The following CLCN3 variants were observed in gnomAD, a reference collection of about 807,000 sequenced individuals.
The protein encoded by CLCN3 is Cl-/H+ antiporter 3, also known as H(+)/Cl(-) exchange transporter 3.
A neutral mutation model predicts 83.4 loss-of-function variants in CLCN3; 16 were observed. The ratio of observed to expected loss-of-function variants is 0.19; its 90% CI spans 0.13 to 0.29. CLCN3 has a LOEUF of 0.29. Ranked by LOEUF, CLCN3 falls within the 10% of genes least tolerant of loss-of-function variation. The pLI is 1.00. For missense variants in CLCN3, 544 were observed against 1,006.0 expected, an observed-to-expected ratio of 0.54 and a Z score of 6.21; for synonymous variants, 322 against 346.2, an observed-to-expected ratio of 0.93 and a Z score of 0.78.
chr4:169,698,401 G>A (rs1732650844), intron 9 of CLCN3, among the ~76,000 whole-genome samples: 1 of 151,946 alleles, frequency 6.6e-6, no homozygotes, highest in Admixed American at 6.6e-5. Context: ...CACTCCCGCT[G>A]TCTCTCTCTC....
intron 2 of CLCN3, among the ~76,000 whole-genome samples, chr4:169,652,112 C>T (rs1238679981): frequency 6.6e-6 from 1 of 152,136 alleles, no homozygotes; most frequent in African/African-American, 2.4e-5. Context: ...TATTACAAAG[C>T]AAGCATCTTT....
intron 3 of CLCN3, among the ~76,000 whole-genome samples, chr4:169,682,366 C>G (rs370100441): frequency 2.0e-5 from 3 of 152,264 alleles, no homozygotes; most frequent in African/African-American, 4.8e-5. Flanking sequence ...AGCTCAAATT[C>G]TATCATTGGA....
chr4:169,648,455 A>G (rs934258920), intron 2 of CLCN3, among the ~76,000 whole-genome samples: 3 of 152,258 alleles, frequency 2.0e-5, no homozygotes, highest in Admixed American at 6.5e-5. Flanking sequence ...GATGAAAAAT[A>G]TAAGGTAGAA....
intron 2 of CLCN3, among the ~76,000 whole-genome samples, chr4:169,678,619 T>A (rs371595204): frequency 2.0e-5 from 3 of 152,274 alleles, no homozygotes; most frequent in African/African-American, 4.8e-5. Flanking sequence ...TGGTGATGAC[T>A]CTTAATGAGC....
At chr4:169,647,477 A>C (rs1419616622) in intron 2 of CLCN3, among the ~76,000 whole-genome samples, 6 of 152,144 alleles carry the variant, frequency 3.9e-5, no homozygotes, top group Admixed American at 3.9e-4. Context: ...GGACTGAGAG[A>C]GTAGAAATAC....
chr4:169,630,336 G>A (rs1386197417), intron 1 of CLCN3, among the ~76,000 whole-genome samples: 4 of 152,106 alleles, frequency 2.6e-5, no homozygotes, highest in African/African-American at 9.7e-5. Context: ...CTGTACATCT[G>A]TGAGTACCTG....
intron 1 of CLCN3, among the ~76,000 whole-genome samples, chr4:169,634,587 C>T (rs1433844383): frequency 2.0e-5 from 3 of 152,094 alleles, no homozygotes; most frequent in East Asian, 1.9e-4. Context: ...TCTTTGGTAG[C>T]GATAACTATA....
chr4:169,633,290 C>T (rs932795869), intron 1 of CLCN3, among the ~76,000 whole-genome samples: 12 of 152,196 alleles, frequency 7.9e-5, no homozygotes, highest in Non-Finnish European at 1.3e-4. Flanking sequence ...GAACTACAGG[C>T]ATGCGCCACC....
At chr4:169,656,863 G>C (rs1730903004) in intron 2 of CLCN3, among the ~76,000 whole-genome samples, 1 of 152,116 alleles carries the variant, frequency 6.6e-6, no homozygotes, top group South Asian at 2.1e-4. Context: ...GATCACTTGA[G>C]CTAGGGGGTC....
Position 169,635,903 on chromosome 4 carries a change from C to A in CLCN3, c.-16-10C>A. 1 of 1,494,314 alleles carries A rather than the reference C, an allele frequency of 6.7e-7. No homozygotes were observed. The highest frequency in any genetic ancestry group is 8.9e-7 in the Non-Finnish European group (1 of 1,117,518). The allele number at this position is 1,494,314 out of a possible 1,614,324, so 92.6% of individuals were successfully genotyped here. A position where few individuals can be genotyped will look rare whatever the true frequency, so the allele number is the denominator to read the frequency against. On this transcript the variant is annotated splice_polypyrimidine_tract_variant and intron_variant, in intron 1 of 12. Transcript: ENST00000513761. The stretch of plus-strand genomic sequence containing the variant: ...TGAAAAATGTTAAAACTACTTTTTC[C>A]CCCCCACAGATAATCAGACAGCTAA...
At chr4:169,649,725 A>G (rs1015798985) in intron 2 of CLCN3, among the ~76,000 whole-genome samples, 1 of 152,194 alleles carries the variant, frequency 6.6e-6, no homozygotes, top group South Asian at 2.1e-4. Flanking sequence ...CAGATACACA[A>G]ATGTATTTTC....
chr4:169,720,069 G>A lies in CLCN3; in HGVS notation c.*72G>A. ...GTTGAATAGCACAACTCTTTAACCT[G>A]AGGGAGTCATCTACTTTTTTTTCCT... On this transcript the variant is annotated 3_prime_UTR_variant, in exon 13 of 13. Coordinates refer to ENST00000513761, the MANE Select transcript of CLCN3 (RefSeq NM_001829.4). 1 of 1,572,140 alleles carries A rather than the reference G, an allele frequency of 6.4e-7. No homozygotes were observed. The highest frequency in any genetic ancestry group is 8.6e-7 in the Non-Finnish European group (1 of 1,162,704).
chr4:169,700,498 T>G (rs1732737281), intron 9 of CLCN3, among the ~76,000 whole-genome samples: 1 of 152,120 alleles, frequency 6.6e-6, no homozygotes, highest in East Asian at 1.9e-4. Flanking sequence ...CCTCAGGTGA[T>G]CCTTTGGGAG....
chr4:169,660,216 C>A, intron 2 of CLCN3: 1 of 1,205,426 alleles, frequency 8.3e-7, no homozygotes, highest in Non-Finnish European at 1.0e-6. Context: ...GTGGAAGAAC[C>A]CAGTTGCTTC....
Position 169,675,752 on chromosome 4 carries a change from A to G in CLCN3, c.161-4298A>G, listed in dbSNP as rs72694792. Among the ~76,000 whole-genome samples, 546 of 152,324 alleles carry G rather than the reference A, an allele frequency of 3.6e-3. 3 individuals are homozygous for G. The highest frequency in any genetic ancestry group is 0.022 in the South Asian group (107 of 4,834). On this transcript the variant is annotated intron_variant, in intron 2 of 12. Transcript: ENST00000513761. The stretch of plus-strand genomic sequence containing the variant: ...TTCTTTGTTTATGTATCTTTATTAT[A>G]AGCTGTAGCATATATCATGTAGTTG...
intron 11 of CLCN3, 115 bp downstream of exon 11, chr4:169,707,381 A>T: frequency 1.5e-6 from 1 of 675,478 alleles, no homozygotes; most frequent in Non-Finnish European, 2.4e-6. Context: ...ACATTATTTT[A>T]TGTCCCTTAA....
intron 1 of CLCN3, among the ~76,000 whole-genome samples, chr4:169,631,081 G>A (rs373671982): frequency 6.6e-6 from 1 of 152,190 alleles, no homozygotes; most frequent in South Asian, 2.1e-4. Context: ...CACTGACAGT[G>A]TATAAGCATT....
rs1486444529 is a variant in CLCN3 at position 169,723,520 on chromosome 4, A to C, written c.*3523A>C. The C allele has an allele frequency of 6.6e-6, 1 of 151,666 alleles. No individual in the cohort carries two copies. The highest frequency in any genetic ancestry group is 1.5e-5 in the Non-Finnish European group (1 of 67,960). The allele number at this position is 151,666 out of a possible 1,614,324, so 9.4% of individuals were successfully genotyped here. Reference sequence around the variant, plus strand: ...TCGCAAGAAAAATTACGCTATTTGCATGAAAAGAGGTAAAACGATTTATTT... The same window carrying C: ...TCGCAAGAAAAATTACGCTATTTGCCTGAAAAGAGGTAAAACGATTTATTT... On this transcript the variant is annotated 3_prime_UTR_variant, in exon 13 of 13. Transcript: ENST00000513761.
chr4:169,675,882 C>T (rs1025559043), intron 2 of CLCN3, among the ~76,000 whole-genome samples: 1 of 152,132 alleles, frequency 6.6e-6, no homozygotes, highest in African/African-American at 2.4e-5. Flanking sequence ...GCTCTATTTA[C>T]TTAAATGATG....
Sources: gnomAD v4.1 joint callset for allele counts (sites outside exome capture counted in the v4.1 genomes callset) on GRCh38, gnomAD v4.1.1 for gene constraint, MANE v1.5 for transcripts, NCBI Gene and HGNC (gene_info 2026-07-23, HGNC 2026-07-21) for gene names.